NSMCE2: variants seen among roughly 807,000 people sequenced by gnomAD.
NSMCE2 encodes NSE2 SUMO ligase component of SMC5/6 complex.
Under a neutral mutation model 23.8 loss-of-function variants are expected in NSMCE2, and 24 were observed. That is an observed-to-expected ratio of 1.01 (90% CI 0.73 to 1.42). The LOEUF (loss-of-function observed/expected upper bound fraction) is 1.42. NSMCE2 is among the 40% of genes most tolerant of loss of function. The pLI is 0.00. For synonymous variants in NSMCE2, 92 were observed against 94.1 expected (o/e 0.98, Z 0.13); for missense variants, 284 against 296.5 (o/e 0.96, Z 0.31).
chr8:125,098,463 G>A (rs143511720), intron 1 of NSMCE2, among the ~76,000 whole-genome samples: 7 of 152,200 alleles, frequency 4.6e-5, no homozygotes, highest in African/African-American at 1.2e-4. Context: ...ATGATCTTAC[G>A]TACATTTTCA....
At chr8:125,322,017 AT>A (rs1563783961) in intron 5 of NSMCE2, among the ~76,000 whole-genome samples, 1 of 147,224 alleles carries the variant, frequency 6.8e-6, no homozygotes, top group Non-Finnish European at 1.5e-5. Context: ...TCACATCAAT[AT>A]TTTTTTGTTT....
chr8:125,250,263 C>G (rs1429378722), intron 5 of NSMCE2, among the ~76,000 whole-genome samples: 1 of 152,000 alleles, frequency 6.6e-6, no homozygotes, highest in Non-Finnish European at 1.5e-5. Context: ...GCCACCACGC[C>G]CAGCAACACT....
At chr8:125,278,093 A>G (rs747745308) in intron 5 of NSMCE2, among the ~76,000 whole-genome samples, 2 of 152,064 alleles carry the variant, frequency 1.3e-5, no homozygotes, top group African/African-American at 2.4e-5. Context: ...CCCGTGAAAT[A>G]TTTGCTGGAT....
At chr8:125,181,827 G>A (rs1268889414) in intron 4 of NSMCE2, among the ~76,000 whole-genome samples, 1 of 152,172 alleles carries the variant, frequency 6.6e-6, no homozygotes, top group Non-Finnish European at 1.5e-5. Context: ...TTCCCTGGCA[G>A]TTATCAGAAG....
chr8:125,308,402 T>C lies in NSMCE2; in HGVS notation c.419-48817T>C, dbSNP rs928211262. 5.6e-4 allele frequency among the ~76,000 whole-genome samples: 85 copies of C among 152,242 alleles called. 1 individual carries two copies. The highest frequency in any genetic ancestry group is 5.6e-3 in the Admixed American group (85 of 15,284). ...CAATTATCCTCGCCTAATGGTCTTCTTGAGTCAGAGAAGTCTTTTTCCTTT... is the reference window on the plus strand; with the variant it reads ...CAATTATCCTCGCCTAATGGTCTTCCTGAGTCAGAGAAGTCTTTTTCCTTT... On this transcript the variant is annotated intron_variant, in intron 5 of 7. Transcript: ENST00000287437.
chr8:125,166,608 G>A (rs1563692033), intron 4 of NSMCE2, among the ~76,000 whole-genome samples: 1 of 152,152 alleles, frequency 6.6e-6, no homozygotes, highest in Non-Finnish European at 1.5e-5. Context: ...AAGAACAGAA[G>A]GAAGAAAACA....
At chr8:125,236,677 T>C (rs1825570021) in intron 5 of NSMCE2, among the ~76,000 whole-genome samples, 1 of 152,202 alleles carries the variant, frequency 6.6e-6, no homozygotes, top group Non-Finnish European at 1.5e-5. Flanking sequence ...AATTAAATTT[T>C]TAAACAATTG....
chr8:125,304,936 A>AAAGG (rs201027278), intron 5 of NSMCE2, among the ~76,000 whole-genome samples: 29 of 141,060 alleles, frequency 2.1e-4, no homozygotes, highest in South Asian at 1.2e-3. Flanking sequence ...AGAAGGAAAG[A>AAAGG]AAGGAAGGAA....
chr8:125,304,796 G>C (rs552644949), intron 5 of NSMCE2, among the ~76,000 whole-genome samples: 1 of 151,008 alleles, frequency 6.6e-6, no homozygotes, highest in Non-Finnish European at 1.5e-5. Context: ...ATCAAGCGAT[G>C]AGAATCGCTT....
chr8:125,329,432 C>G (rs895443407), intron 5 of NSMCE2, among the ~76,000 whole-genome samples: 3 of 152,178 alleles, frequency 2.0e-5, no homozygotes, highest in Admixed American at 6.5e-5. Flanking sequence ...TGTTTCCTTT[C>G]TTTTTAGTTA....
intron 5 of NSMCE2, among the ~76,000 whole-genome samples, chr8:125,326,085 AT>A (rs1289750788): frequency 6.6e-6 from 1 of 152,012 alleles, no homozygotes; most frequent in African/African-American, 2.4e-5. Flanking sequence ...GTGAAACCCC[AT>A]CTCTACTAAA....
intron 7 of NSMCE2, among the ~76,000 whole-genome samples, chr8:125,360,046 A>G (rs924433868): frequency 6.6e-6 from 1 of 152,166 alleles, no homozygotes; most frequent in African/African-American, 2.4e-5. Flanking sequence ...ACGACATTTG[A>G]CGACTGACTG....
chr8:125,292,993 A>G (rs1251199625), intron 5 of NSMCE2, among the ~76,000 whole-genome samples: 1 of 152,224 alleles, frequency 6.6e-6, no homozygotes, highest in African/African-American at 2.4e-5. Flanking sequence ...GTCTAATTCC[A>G]TAATTTTACT....
At chr8:125,154,041 A>G (rs185971031) in intron 4 of NSMCE2, among the ~76,000 whole-genome samples, 2 of 152,228 alleles carry the variant, frequency 1.3e-5, no homozygotes, top group East Asian at 3.9e-4. Flanking sequence ...AAATAAGATT[A>G]TTTTTTTAAA....
At chr8:125,256,113 T>C (rs1826396378) in intron 5 of NSMCE2, among the ~76,000 whole-genome samples, 1 of 151,904 alleles carries the variant, frequency 6.6e-6, no homozygotes, top group African/African-American at 2.4e-5. Context: ...GAAATCCCTG[T>C]CTCTACTAAA....
At chr8:125,148,336 A>C (rs1363184439) in intron 3 of NSMCE2, among the ~76,000 whole-genome samples, 1 of 152,200 alleles carries the variant, frequency 6.6e-6, no homozygotes, top group Non-Finnish European at 1.5e-5. Context: ...CTCAGGTCTT[A>C]GTAGCATATA....
At chr8:125,180,479 A>C (rs190818889) in intron 4 of NSMCE2, among the ~76,000 whole-genome samples, 1 of 152,238 alleles carries the variant, frequency 6.6e-6, no homozygotes, top group East Asian at 1.9e-4. Flanking sequence ...GCAATTAAGC[A>C]AAAGAAGATT....
At chr8:125,106,201 A>T (rs113486891) in intron 3 of NSMCE2, among the ~76,000 whole-genome samples, 1 of 152,232 alleles carries the variant, frequency 6.6e-6, no homozygotes, top group Non-Finnish European at 1.5e-5. Flanking sequence ...TCTTCCCTTC[A>T]TAGAGTTTAC....
At chr8:125,111,267 A>G (rs558373560) in intron 3 of NSMCE2, among the ~76,000 whole-genome samples, 1 of 152,356 alleles carries the variant, frequency 6.6e-6, no homozygotes, top group South Asian at 2.1e-4. Context: ...GCCCTCATGA[A>G]TAACTGACCT....
Sources: allele counts gnomAD v4.1 joint callset (sites outside exome capture counted in the v4.1 genomes callset), GRCh38; gene constraint gnomAD v4.1.1; transcripts MANE v1.5; gene names NCBI Gene and HGNC (gene_info 2026-07-23, HGNC 2026-07-21).